The following IDE variants were observed in gnomAD, a reference collection of about 807,000 sequenced individuals.
IDE encodes the protein insulin-degrading enzyme.
In IDE, 58 loss-of-function variants were observed where a neutral mutation model predicts 133.2. The ratio of observed to expected loss-of-function variants is 0.44; its 90% confidence interval spans 0.35 to 0.54. The LOEUF (loss-of-function observed/expected upper bound fraction) is 0.54, where lower values mean the gene tolerates loss of function less well. IDE is among the 20% of genes least tolerant of loss of function. IDE has a pLI of 0.00. For synonymous variants in IDE, 396 were observed against 421.3 expected (o/e 0.94, Z 0.73); for missense variants, 981 against 1,234.0 (o/e 0.79, Z 3.07).
At chr10:92,486,296 G>A (rs1157117981) in intron 13 of IDE, among the ~76,000 whole-genome samples, 1 of 152,062 alleles carries the variant, frequency 6.6e-6, no homozygotes, top group African/African-American at 2.4e-5. Context: ...GTTACAGTGA[G>A]CCGAGATCAT....
rs1843928593 is a variant in IDE, at chr10:92,573,952, G to C, written c.68C>G (p.Ala23Gly). Reference sequence around the variant, plus strand: ...CAGGCGCTCCGGAGGCGGCAGGCGGGCGCCGAGGACTGAGCGGAAGGTGCT... The same window carrying C: ...CAGGCGCTCCGGAGGCGGCAGGCGGCCGCCGAGGACTGAGCGGAAGGTGCT... Reference protein sequence around the residue: ...LPSTFRSVLGARLPPPERLCG... With the variant: ...LPSTFRSVLGGRLPPPERLCG... The change falls in exon 1 of 25, where the codon GCC (alanine) becomes GGC (glycine). Residue 23 changes from alanine to glycine, a missense_variant. Ala to Gly is a moderately conservative substitution (Grantham distance 60). Coordinates refer to ENST00000265986, the MANE Select transcript of IDE (RefSeq NM_004969.4). 1 of 1,474,904 alleles carries C rather than the reference G, an allele frequency of 6.8e-7. No individual in the cohort carries two copies. The highest frequency in any genetic ancestry group is 1.5e-5 in the African/African-American group (1 of 67,278). 91.4% of individuals were successfully genotyped at this position (1,474,904 alleles called of 1,614,324 possible). A position where few individuals can be genotyped will look rare whatever the true frequency, so the allele number is the denominator to read the frequency against.
chr10:92,540,113 G>C (rs1381016436), intron 1 of IDE, among the ~76,000 whole-genome samples: 1 of 151,856 alleles, frequency 6.6e-6, no homozygotes, highest in Non-Finnish European at 1.5e-5. Context: ...CATGGTGGCG[G>C]GTGCCTGTAA....
intron 1 of IDE, among the ~76,000 whole-genome samples, chr10:92,548,377 A>T (rs980046696): frequency 3.6e-4 from 54 of 150,800 alleles, no homozygotes; most frequent in African/African-American, 1.3e-3. Context: ...AAAAAAAAAA[A>T]AAAAAAAAAA....
intron 1 of IDE, among the ~76,000 whole-genome samples, chr10:92,541,685 ATTTT>A (rs1389951896): frequency 6.6e-6 from 1 of 152,222 alleles, no homozygotes; most frequent in Non-Finnish European, 1.5e-5. Context: ...TACAACATAT[ATTTT>A]GTCATTCTGC....
At chr10:92,493,482 C>T (rs1847496129) in intron 11 of IDE, among the ~76,000 whole-genome samples, 1 of 150,046 alleles carries the variant, frequency 6.7e-6, no homozygotes, top group Admixed American at 6.7e-5. Context: ...AAACCTTAAA[C>T]TCAGTTCTGA....
intron 2 of IDE, among the ~76,000 whole-genome samples, chr10:92,536,169 G>A (rs1356255910): frequency 1.3e-5 from 2 of 151,982 alleles, no homozygotes; most frequent in Non-Finnish European, 2.9e-5. Flanking sequence ...GATCACCTGA[G>A]GTCAGGAGTT....
At chr10:92,530,362 G>A (rs1020030976) in intron 4 of IDE, among the ~76,000 whole-genome samples, 2 of 150,588 alleles carry the variant, frequency 1.3e-5, no homozygotes, top group African/African-American at 2.4e-5. Flanking sequence ...TGACTCAATT[G>A]TGGCTCACTG....
intron 5 of IDE, among the ~76,000 whole-genome samples, chr10:92,511,570 A>G (rs149453181): frequency 8.8e-4 from 134 of 152,334 alleles, no homozygotes; most frequent in African/African-American, 3.1e-3. Context: ...GAACTTTTCC[A>G]TGAATTCTCG....
At position 92,475,902 on chromosome 10, in the gene IDE, A is replaced by C. The variant is rs1383635264; in HGVS notation, c.1977T>G (p.Phe659Leu). The C allele has an allele frequency of 1.4e-6, 2 of 1,428,648 alleles. No individual in the cohort carries two copies. Among genetic ancestry groups the C allele is most frequent in the Non-Finnish European group, 1.9e-6 (2 of 1,028,984 alleles). The allele number at this position is 1,428,648 out of a possible 1,614,324, so 88.5% of individuals were successfully genotyped here. The stretch of plus-strand genomic sequence containing the variant: ...AACTTACTGCTTCTTTGATAATTTC[A>C]AATCTTTTTTCATCAATCTCAAAGG... Reference protein sequence around the residue: ...MATFEIDEKRFEIIKEAYMRS... With the variant: ...MATFEIDEKRLEIIKEAYMRS... Residue 659 changes from phenylalanine to leucine, a missense_variant, in exon 16 of 25, where the codon TTT (phenylalanine) becomes TTG (leucine). This residue lies in a region of IDE where 660 missense variants were observed against 894.7 expected (regional missense o/e 0.74). Transcript: ENST00000265986.
At chr10:92,508,315 C>T in intron 7 of IDE, 110 bp from the exon 8 acceptor site, 1 of 836,574 alleles carries the variant, frequency 1.2e-6, no homozygotes, top group South Asian at 1.6e-5. Flanking sequence ...CAGAATGAAC[C>T]TCTTGCGAAA....
intron 13 of IDE, among the ~76,000 whole-genome samples, chr10:92,486,664 T>C (rs1847017929): frequency 6.6e-6 from 1 of 152,182 alleles, no homozygotes; most frequent in Admixed American, 6.5e-5. Context: ...AATAATAGCA[T>C]GAAAAGGACA....
chr10:92,567,583 G>A (rs199948728), intron 1 of IDE, among the ~76,000 whole-genome samples: 3 of 152,198 alleles, frequency 2.0e-5, no homozygotes, highest in South Asian at 4.1e-4. Context: ...AGCATCTGAG[G>A]TTCTCTATAT....
At chr10:92,536,555 G>T (rs566572387) in intron 2 of IDE, among the ~76,000 whole-genome samples, 1 of 150,660 alleles carries the variant, frequency 6.6e-6, no homozygotes, top group Non-Finnish European at 1.5e-5. Context: ...AGAATTAGGC[G>T]GGCGTGGTGG....
At chr10:92,489,248 G>A (rs770931325) in intron 12 of IDE, among the ~76,000 whole-genome samples, 7 of 152,066 alleles carry the variant, frequency 4.6e-5, no homozygotes, top group Non-Finnish European at 1.0e-4. Context: ...TTCCCAGATA[G>A]ATGTGTTCTT....
chr10:92,483,122 C>T (rs997752662), intron 14 of IDE, 133 bp downstream of exon 14: 1 of 596,078 alleles, frequency 1.7e-6, no homozygotes, highest in Admixed American at 3.0e-5. Context: ...TTTTTTTCAG[C>T]CTCTCCTTTT....
intron 22 of IDE, among the ~76,000 whole-genome samples, chr10:92,460,161 G>A (rs1413033737): frequency 6.6e-6 from 1 of 152,124 alleles, no homozygotes; most frequent in African/African-American, 2.4e-5. Flanking sequence ...AAAGCTTGCT[G>A]GGAAGACTTT....
At chr10:92,514,071 T>C (rs1336916133) in intron 5 of IDE, among the ~76,000 whole-genome samples, 1 of 152,224 alleles carries the variant, frequency 6.6e-6, no homozygotes, top group Non-Finnish European at 1.5e-5. Flanking sequence ...ATATGTACTA[T>C]ACTGACAGAA....
At chr10:92,513,950 A>G (rs1424530053) in intron 5 of IDE, among the ~76,000 whole-genome samples, 1 of 152,162 alleles carries the variant, frequency 6.6e-6, no homozygotes, top group Non-Finnish European at 1.5e-5. Context: ...AGCAGGTAAG[A>G]TGGAAAGTAG....
rs551473771 is a variant in IDE, at chr10:92,489,673, C to CA, written c.1533+819dup. On this transcript the variant is annotated intron_variant, in intron 12 of 24. Transcript: ENST00000265986. ...TTTCCTCTCAGTTTAGAGAGATGGA[C>CA]ATTTTCACACACTGGAGGGCTTCAA... is the stretch of plus-strand genomic sequence containing the variant. 4.9e-3 allele frequency among the ~76,000 whole-genome samples: 748 copies of CA among 152,310 alleles called. 8 individuals carry two copies. Among genetic ancestry groups the CA allele is most frequent in the African/African-American group, 0.017 (711 of 41,564 alleles).
Sources: gnomAD v4.1 joint callset for allele counts (sites outside exome capture counted in the v4.1 genomes callset) on GRCh38, gnomAD v4.1.1 for gene constraint, gnomAD v4.1.1 regional missense constraint, MANE v1.5 for transcripts, NCBI Gene and HGNC (gene_info 2026-07-23, HGNC 2026-07-21) for gene names.